Variants in ADAMTS12 observed in about 807,000 individuals in gnomAD.
The protein encoded by ADAMTS12 is ADAM metallopeptidase with thrombospondin type 1 motif 12.
In ADAMTS12, 118 loss-of-function variants were observed where a neutral mutation model predicts 167.8. The observed-to-expected ratio is 0.70, with a 90% confidence interval of 0.61 to 0.82. The LOEUF (loss-of-function observed/expected upper bound fraction) is 0.82, where lower values mean the gene tolerates loss of function less well. Ranked by LOEUF, ADAMTS12 falls within the 40% of genes least tolerant of loss-of-function variation. ADAMTS12 has a pLI of 0.00. For synonymous variants in ADAMTS12, 704 were observed against 716.9 expected (o/e 0.98, Z 0.29); for missense variants, 1,916 against 1,998.8 (o/e 0.96, Z 0.79).
intron 13 of ADAMTS12, among the ~76,000 whole-genome samples, chr5:33,625,516 T>G (rs180699212): frequency 6.6e-6 from 1 of 152,198 alleles, no homozygotes; most frequent in Non-Finnish European, 1.5e-5. Context: ...GCTATGGAGA[T>G]TGACTCTGAG....
At chr5:33,609,014 A>G (rs1377730995) in intron 16 of ADAMTS12, among the ~76,000 whole-genome samples, 2 of 152,218 alleles carry the variant, frequency 1.3e-5, no homozygotes, top group East Asian at 3.8e-4. Flanking sequence ...GATATTGTCA[A>G]GTGCAGTTAT....
intron 16 of ADAMTS12, among the ~76,000 whole-genome samples, chr5:33,599,359 G>T (rs1738071107): frequency 6.6e-6 from 1 of 152,200 alleles, no homozygotes; most frequent in African/African-American, 2.4e-5. Flanking sequence ...GTCCAACCAT[G>T]ATTGATTTTA....
chr5:33,553,383 T>C (rs1225774866), intron 20 of ADAMTS12, among the ~76,000 whole-genome samples: 8 of 152,228 alleles, frequency 5.3e-5, no homozygotes, highest in Admixed American at 3.3e-4. Flanking sequence ...CAAAGGAATA[T>C]AAATTATTCT....
At chr5:33,677,349 AATAC>A (rs1283709909) in intron 5 of ADAMTS12, among the ~76,000 whole-genome samples, 1 of 152,224 alleles carries the variant, frequency 6.6e-6, no homozygotes, top group East Asian at 1.9e-4. Context: ...AATGCTATGA[AATAC>A]ATATAATTAT....
rs112452380 is a variant in ADAMTS12 at position 33,798,270 on chromosome 5, A to G, written c.490-46722T>C. Among the ~76,000 whole-genome samples the G allele has an allele frequency of 7.8e-3, 1,185 of 151,992 alleles. 18 individuals carry two copies. The highest frequency in any genetic ancestry group is 0.028 in the African/African-American group (1,150 of 41,436). ...AAATACCACAGACTGGGTGGCTTAAACAACAGAAATTTATTTTTCACATTT... is the reference window on the plus strand; with the variant it reads ...AAATACCACAGACTGGGTGGCTTAAGCAACAGAAATTTATTTTTCACATTT... On this transcript the variant is annotated intron_variant, in intron 2 of 23. Coordinates refer to ENST00000504830, the MANE Select transcript of ADAMTS12 (RefSeq NM_030955.4).
chr5:33,760,023 T>C (rs1745293680), intron 2 of ADAMTS12, among the ~76,000 whole-genome samples: 1 of 152,184 alleles, frequency 6.6e-6, no homozygotes, highest in Non-Finnish European at 1.5e-5. Flanking sequence ...CCAGGAGCCC[T>C]GCGCAGAGAT....
chr5:33,632,910 T>G (rs1740016326), intron 12 of ADAMTS12, among the ~76,000 whole-genome samples: 2 of 152,148 alleles, frequency 1.3e-5, no homozygotes, highest in Admixed American at 1.3e-4. Context: ...GGCAACGGAA[T>G]GTTTATTCAG....
At chr5:33,887,297 A>C (rs1470502173) in intron 1 of ADAMTS12, among the ~76,000 whole-genome samples, 1 of 152,106 alleles carries the variant, frequency 6.6e-6, no homozygotes, top group Non-Finnish European at 1.5e-5. Flanking sequence ...CTCATCTGGG[A>C]CTATACTTCC....
At chr5:33,654,874 T>TTGTGTGTGTGTGTGTGTG (rs34219097) in intron 7 of ADAMTS12, among the ~76,000 whole-genome samples, 66 of 141,664 alleles carry the variant, frequency 4.7e-4, no homozygotes, top group African/African-American at 1.6e-3. Flanking sequence ...GTGGGTGATT[T>TTGTGTGTGTGTGTGTGTG]TGTGTGTGTG....
intron 5 of ADAMTS12, among the ~76,000 whole-genome samples, chr5:33,681,090 T>G (rs1561211396): frequency 6.6e-6 from 1 of 152,216 alleles, no homozygotes; most frequent in Non-Finnish European, 1.5e-5. Flanking sequence ...ATAGGTTTCA[T>G]GTTGCCTGTT....
At chr5:33,770,527 T>A (rs1327964300) in intron 2 of ADAMTS12, among the ~76,000 whole-genome samples, 2 of 152,134 alleles carry the variant, frequency 1.3e-5, no homozygotes, top group African/African-American at 2.4e-5. Context: ...GGAATGTTTT[T>A]AAAAATGTTT....
At chr5:33,717,356 A>G (rs138525498) in intron 3 of ADAMTS12, among the ~76,000 whole-genome samples, 25 of 152,334 alleles carry the variant, frequency 1.6e-4, no homozygotes, top group African/African-American at 6.0e-4. Context: ...TAGTTAAGTG[A>G]AAAGTATTCC....
At chr5:33,769,802 C>T (rs760686155) in intron 2 of ADAMTS12, among the ~76,000 whole-genome samples, 56 of 152,136 alleles carry the variant, frequency 3.7e-4, no homozygotes, top group Non-Finnish European at 4.9e-4. Flanking sequence ...TGAGACCTTA[C>T]GCAAGTCACC....
chr5:33,574,512 C>T (rs964873797), intron 19 of ADAMTS12, among the ~76,000 whole-genome samples: 1 of 150,720 alleles, frequency 6.6e-6, no homozygotes, highest in Non-Finnish European at 1.5e-5. Flanking sequence ...AAACCAAACA[C>T]CGCATGTTCT....
intron 11 of ADAMTS12, among the ~76,000 whole-genome samples, chr5:33,638,653 A>G (rs1264914517): frequency 6.6e-6 from 1 of 152,160 alleles, no homozygotes; most frequent in East Asian, 1.9e-4. Context: ...TTTGTGTGCC[A>G]GCTGCCTGCA....
chr5:33,696,284 G>A (rs373138852), intron 3 of ADAMTS12, among the ~76,000 whole-genome samples: 1 of 150,578 alleles, frequency 6.6e-6, no homozygotes, highest in Non-Finnish European at 1.5e-5. Flanking sequence ...AGCCGGGCAC[G>A]GTGGCGGGCG....
At chr5:33,849,247 AATATAT>A (rs376486325) in intron 2 of ADAMTS12, among the ~76,000 whole-genome samples, 1 of 102,034 alleles carries the variant, frequency 9.8e-6, no homozygotes, top group East Asian at 3.6e-4. Context: ...ATTGCATAGC[AATATAT>A]ATATATGTAT....
chr5:33,727,499 T>G (rs1744027087), intron 3 of ADAMTS12, among the ~76,000 whole-genome samples: 1 of 152,248 alleles, frequency 6.6e-6, no homozygotes, highest in Non-Finnish European at 1.5e-5. Context: ...ATCCCTTTCA[T>G]GGGCATTTTC....
chr5:33,589,497 CATAA>C (rs1747533175), intron 17 of ADAMTS12, among the ~76,000 whole-genome samples: 1 of 152,038 alleles, frequency 6.6e-6, no homozygotes, highest in African/African-American at 2.4e-5. Context: ...AAAGAATAAA[CATAA>C]ATAAAATCGT....
Sources: gnomAD v4.1 joint callset for allele counts (sites outside exome capture counted in the v4.1 genomes callset) on GRCh38, gnomAD v4.1.1 for gene constraint, MANE v1.5 for transcripts, NCBI Gene and HGNC (gene_info 2026-07-23, HGNC 2026-07-21) for gene names.